PARP16: variants seen among roughly 807,000 people sequenced by gnomAD.
PARP16 encodes the protein poly(ADP-ribose) polymerase family member 16, also known as protein mono-ADP-ribosyltransferase PARP16.
PARP16 carries 31 observed loss-of-function variants against 35.0 expected under a neutral mutation model. The ratio of observed to expected loss-of-function variants is 0.88; its 90% CI spans 0.66 to 1.19. The LOEUF (loss-of-function observed/expected upper bound fraction) is 1.19, where lower values mean the gene tolerates loss of function less well. PARP16 is among the 50% of genes most tolerant of loss of function. The pLI is 0.00. For synonymous variants in PARP16, 162 were observed against 169.5 expected (o/e 0.96, Z 0.34); for missense variants, 424 against 411.2 (o/e 1.03, Z -0.27).
chr15:65,273,990 T>C (rs2090172232), intron 1 of PARP16, among the ~76,000 whole-genome samples: 2 of 152,128 alleles, frequency 1.3e-5, no homozygotes, highest in Non-Finnish European at 2.9e-5. Context: ...TCACGCTCTG[T>C]TGCCCAGGCT....
At chr15:65,235,376 A>G (rs1204015275) in intron 3 of PARP16, among the ~76,000 whole-genome samples, 5 of 152,056 alleles carry the variant, frequency 3.3e-5, no homozygotes, top group Admixed American at 1.3e-4. Flanking sequence ...AGGAAGCCAC[A>G]TTACCTTTTA....
chr15:65,250,106 C>CTTT lies in PARP16; in HGVS notation c.203-1879_203-1878insAAA, dbSNP rs1567013240. ...CTAGCTGCAGCCTTGCACCTGCTTG[C>CTTT]CTTTTTTTTTTTTTTTTTTTTTTTT... On this transcript the variant is annotated intron_variant and NMD_transcript_variant, in intron 2 of 3. Transcript: ENST00000559805. Among the ~76,000 whole-genome samples the CTTT allele has an allele frequency of 1.3e-4, 14 of 104,206 alleles. 3 individuals carry two copies. Among genetic ancestry groups the CTTT allele is most frequent in the Admixed American group, 3.4e-4 (3 of 8,942 alleles). The allele number at this position is 104,206 out of a possible 152,430, so 68.4% of individuals were successfully genotyped here. A position where few individuals can be genotyped will look rare whatever the true frequency, so the allele number is the denominator to read the frequency against.
intron 1 of PARP16, among the ~76,000 whole-genome samples, chr15:65,280,541 G>A (rs754228231): frequency 2.6e-5 from 4 of 151,712 alleles, no homozygotes; most frequent in African/African-American, 7.3e-5. Context: ...GTAGAAGGAT[G>A]TTTATCAAAG....
At chr15:65,233,605 A>G (rs2088810380), downstream of PARP16, among the ~76,000 whole-genome samples, 2 of 151,160 alleles carry the variant, frequency 1.3e-5, no homozygotes, top group South Asian at 2.1e-4. Context: ...ACAGGCTGGC[A>G]TGCGCCTGTA....
intron 1 of PARP16, among the ~76,000 whole-genome samples, chr15:65,284,412 G>C (rs981249813): frequency 7.2e-6 from 1 of 139,608 alleles, no homozygotes; most frequent in African/African-American, 2.7e-5. Flanking sequence ...GGGCGATCTC[G>C]GCTCACTGCT....
At chr15:65,279,209 T>TA (rs11423990) in intron 1 of PARP16, among the ~76,000 whole-genome samples, 33,106 of 152,134 alleles carry the variant, frequency 0.22, 4,495 homozygotes, top group Admixed American at 0.31. Context: ...AAGATAATAC[T>TA]AAAACCTACA....
At chr15:65,285,841 A>T (rs1215457112) in intron 1 of PARP16, among the ~76,000 whole-genome samples, 1 of 152,220 alleles carries the variant, frequency 6.6e-6, no homozygotes, top group Non-Finnish European at 1.5e-5. Context: ...ACCTCATCTG[A>T]AGACCAATGT....
rs374649627 is a variant in PARP16, at chr15:65,266,618, G to A, written c.463C>T (p.Arg155Cys). Residue 155 changes from arginine (R) to cysteine (C), a missense_variant, in exon 3 of 6, where the codon CGC becomes TGC. Coordinates refer to ENST00000649807, the MANE Select transcript of PARP16 (RefSeq NM_001316943.2). ...ATAATGGAATGGAAGTTTTCTAGGC[G>A]GCTACCATGAAATGCATAGATTAGG... ...RDLIYAFHGS[R>C]LENFHSIIHN... The A allele has an allele frequency of 1.2e-4, 198 of 1,613,926 alleles. No individual in the cohort carries two copies. Among genetic ancestry groups the A allele is most frequent in the Non-Finnish European group, 1.6e-4 (184 of 1,180,022 alleles).
At chr15:65,283,298 T>C (rs1180318192) in intron 1 of PARP16, among the ~76,000 whole-genome samples, 1 of 151,934 alleles carries the variant, frequency 6.6e-6, no homozygotes, top group Non-Finnish European at 1.5e-5. Flanking sequence ...AAAGCTGCAT[T>C]GTGAGTTTGA....
intron 3 of PARP16, among the ~76,000 whole-genome samples, chr15:65,244,451 AAG>A (rs2089156934): frequency 6.6e-6 from 1 of 152,168 alleles, no homozygotes; most frequent in Middle Eastern, 3.2e-3. Flanking sequence ...GGCAGCAGGC[AAG>A]AGAGTGTGTG....
chr15:65,246,993 CA>C (rs1567011627), intron 3 of PARP16, among the ~76,000 whole-genome samples: 1 of 142,812 alleles, frequency 7.0e-6, no homozygotes, highest in African/African-American at 2.4e-5. Flanking sequence ...TCATGCTCAA[CA>C]ATTTTTTTTT....
At chr15:65,278,125 A>G (rs909039616) in intron 1 of PARP16, among the ~76,000 whole-genome samples, 3 of 152,142 alleles carry the variant, frequency 2.0e-5, no homozygotes, top group African/African-American at 7.2e-5. Flanking sequence ...CCTGGGCTCA[A>G]ATGTCCCCCA....
intron 1 of PARP16, among the ~76,000 whole-genome samples, chr15:65,273,980 T>G (rs1365241477): frequency 6.6e-6 from 1 of 151,738 alleles, no homozygotes; most frequent in Non-Finnish European, 1.5e-5. Flanking sequence ...GGAGACAGGG[T>G]CACGCTCTGT....
chr15:65,266,666 A>G lies in PARP16; in HGVS notation c.415T>C (p.Tyr139His). The change falls in exon 3 of 6, where the codon TAT (tyrosine) becomes CAT (histidine). Residue 139 changes from tyrosine (Y) to histidine (H), a missense_variant. Tyr to His is a moderately conservative substitution (Grantham distance 83, BLOSUM62 2). Coordinates refer to ENST00000649807, the MANE Select transcript of PARP16 (RefSeq NM_001316943.2). ...AGGTCTCGTTCTCCTTTGGTCTCATAAAATTTGGCGTTGGCTGGGTCAAAG... is the reference window on the plus strand; with the variant it reads ...AGGTCTCGTTCTCCTTTGGTCTCATGAAATTTGGCGTTGGCTGGGTCAAAG... ...EYFDPANAKF[Y>H]ETKGERDLIY... is the part of the protein sequence containing the mutation. 6.2e-7 allele frequency: 1 copy of G among 1,614,164 alleles called. No individual in the cohort carries two copies. The highest frequency in any genetic ancestry group is 1.1e-5 in the South Asian group (1 of 91,086).
chr15:65,231,735 G>T (rs193013017), downstream of PARP16, among the ~76,000 whole-genome samples: 5 of 151,884 alleles, frequency 3.3e-5, no homozygotes, highest in Non-Finnish European at 5.9e-5. Flanking sequence ...GGTGTGAGCC[G>T]CCATGCTTGG....
At chr15:65,235,834 TAA>T (rs144070210) in intron 3 of PARP16, among the ~76,000 whole-genome samples, 14 of 126,200 alleles carry the variant, frequency 1.1e-4, no homozygotes, top group Admixed American at 2.6e-4. Flanking sequence ...GACCCTGTCT[TAA>T]AAAAAAAAAA....
chr15:65,237,606 A>G (rs936055068), intron 3 of PARP16, among the ~76,000 whole-genome samples: 1 of 152,014 alleles, frequency 6.6e-6, no homozygotes, highest in Admixed American at 6.6e-5. Flanking sequence ...TGATGTGGCT[A>G]TAAGTCAAGG....
intron 2 of PARP16, among the ~76,000 whole-genome samples, chr15:65,269,240 C>T (rs898182046): frequency 7.8e-5 from 11 of 140,612 alleles, no homozygotes; most frequent in East Asian, 5.0e-4. Flanking sequence ...ACTGTTGCCC[C>T]GGCTGGAGTG....
At chr15:65,233,144 T>C (rs1274899516), downstream of PARP16, among the ~76,000 whole-genome samples, 2 of 152,242 alleles carry the variant, frequency 1.3e-5, no homozygotes, top group East Asian at 3.8e-4. Flanking sequence ...CCAGGTGCGG[T>C]GGCTCACGCC....
Sources: allele counts gnomAD v4.1 joint callset (sites outside exome capture counted in the v4.1 genomes callset), GRCh38; gene constraint gnomAD v4.1.1; transcripts MANE v1.5; gene names NCBI Gene and HGNC (gene_info 2026-07-23, HGNC 2026-07-21).